RBFOX1: variants seen among roughly 807,000 people sequenced by gnomAD.
The protein encoded by RBFOX1 is RNA binding protein fox-1 homolog 1.
Under a neutral mutation model 57.7 loss-of-function variants are expected in RBFOX1, and 8 were observed. That is an observed-to-expected ratio of 0.14 (90% confidence interval 0.08 to 0.25). The LOEUF (loss-of-function observed/expected upper bound fraction) is 0.25. RBFOX1 is among the 10% of genes least tolerant of loss of function. RBFOX1 has a pLI of 1.00. For synonymous variants in RBFOX1, 326 were observed against 222.4 expected, an observed-to-expected ratio of 1.47 and a Z score of -4.15; for missense variants, 611 against 548.5, an observed-to-expected ratio of 1.11 and a Z score of -1.14.
intron 4 of RBFOX1, among the ~76,000 whole-genome samples, chr16:7,137,794 A>T (rs942650780): frequency 6.6e-6 from 1 of 152,220 alleles, no homozygotes; most frequent in Non-Finnish European, 1.5e-5. Context: ...TAGAAACTCC[A>T]AAAGGGGAAG....
chr16:7,146,429 C>G (rs577538690), intron 4 of RBFOX1, among the ~76,000 whole-genome samples: 1 of 152,202 alleles, frequency 6.6e-6, no homozygotes, highest in East Asian at 1.9e-4. Context: ...TACCCAGCAG[C>G]TCTGTCACCC....
At chr16:6,894,818 G>A (rs146045349) in intron 3 of RBFOX1, among the ~76,000 whole-genome samples, 1 of 152,228 alleles carries the variant, frequency 6.6e-6, no homozygotes, top group East Asian at 1.9e-4. Flanking sequence ...TATCATTTTA[G>A]GTAGTAGTCC....
At chr16:5,634,389 C>G (rs996582717) in intron 3 of RBFOX1, among the ~76,000 whole-genome samples, 2 of 151,974 alleles carry the variant, frequency 1.3e-5, no homozygotes, top group African/African-American at 4.8e-5. Flanking sequence ...GTAATTGAGA[C>G]AAAAATAGGG....
chr16:7,140,157 C>CCTCCCTCTCT (rs2073300584), intron 4 of RBFOX1, among the ~76,000 whole-genome samples: 8 of 70,868 alleles, frequency 1.1e-4, no homozygotes, highest in African/African-American at 4.2e-4. Flanking sequence ...TCCTTCTCTC[C>CCTCCCTCTCT]CTCTCTCTCT....
At chr16:6,319,090 C>T (rs2081450122) in intron 2 of RBFOX1, among the ~76,000 whole-genome samples, 1 of 152,022 alleles carries the variant, frequency 6.6e-6, no homozygotes, top group Non-Finnish European at 1.5e-5. Flanking sequence ...TCACCCATAA[C>T]ATGTTGGATG....
intron 2 of RBFOX1, among the ~76,000 whole-genome samples, chr16:6,520,597 A>G (rs574481412): frequency 7.2e-5 from 11 of 152,338 alleles, no homozygotes; most frequent in Admixed American, 2.6e-4. Context: ...TTCATTAGAA[A>G]GATATGTGGG....
At chr16:6,198,791 A>G (rs903743535) in intron 1 of RBFOX1, among the ~76,000 whole-genome samples, 2 of 152,140 alleles carry the variant, frequency 1.3e-5, no homozygotes, top group Admixed American at 1.3e-4. Context: ...TGGCTTAAGT[A>G]TAATACTAAT....
intron 3 of RBFOX1, among the ~76,000 whole-genome samples, chr16:6,953,850 A>G (rs1385822589): frequency 1.3e-5 from 2 of 152,160 alleles, no homozygotes; most frequent in Non-Finnish European, 1.5e-5. Flanking sequence ...CCTGACTTGA[A>G]TCTCTCTTTG....
intron 2 of RBFOX1, among the ~76,000 whole-genome samples, chr16:6,490,159 T>G (rs563073746): frequency 6.6e-6 from 1 of 152,162 alleles, no homozygotes; most frequent in Non-Finnish European, 1.5e-5. Context: ...GGGTTTTTAG[T>G]GAATAGCAAA....
At chr16:7,446,690 A>T (rs1008122597) in intron 4 of RBFOX1, among the ~76,000 whole-genome samples, 1 of 151,540 alleles carries the variant, frequency 6.6e-6, no homozygotes, top group Non-Finnish European at 1.5e-5. Context: ...GGGCAACCCC[A>T]TAGAGCAAAC....
chr16:6,701,017 G>C (rs958793741), intron 3 of RBFOX1, among the ~76,000 whole-genome samples: 1 of 148,220 alleles, frequency 6.7e-6, no homozygotes, highest in African/African-American at 2.6e-5. Context: ...GAAAGGAGTA[G>C]AGAGCAGAGT....
At chr16:7,620,644 T>C (rs914701419) in intron 10 of RBFOX1, among the ~76,000 whole-genome samples, 3 of 152,158 alleles carry the variant, frequency 2.0e-5, no homozygotes, top group African/African-American at 4.8e-5. Context: ...GATGGCAGCT[T>C]CGGAATTCTT....
At chr16:7,044,019 C>G (rs1240479154) in intron 3 of RBFOX1, among the ~76,000 whole-genome samples, 3 of 152,232 alleles carry the variant, frequency 2.0e-5, no homozygotes, top group African/African-American at 4.8e-5. Flanking sequence ...CTTACACTTT[C>G]ACTGTACAAA....
intron 3 of RBFOX1, among the ~76,000 whole-genome samples, chr16:6,887,162 T>G (rs1014265351): frequency 5.3e-5 from 8 of 152,194 alleles, no homozygotes; most frequent in African/African-American, 1.7e-4. Context: ...GTTCTTCTTG[T>G]TATTGTTGGT....
chr16:6,874,774 G>A (rs1189870045), intron 3 of RBFOX1, among the ~76,000 whole-genome samples: 5 of 152,132 alleles, frequency 3.3e-5, no homozygotes, highest in Non-Finnish European at 7.3e-5. Flanking sequence ...TGGGACTTGA[G>A]GGGAAGGGTG....
At chr16:7,001,984 C>G (rs984289952) in intron 3 of RBFOX1, among the ~76,000 whole-genome samples, 4 of 152,042 alleles carry the variant, frequency 2.6e-5, no homozygotes, top group Non-Finnish European at 4.4e-5. Flanking sequence ...CGTGAGTGAA[C>G]TCCTGGTGTT....
chr16:7,024,234 A>G (rs918476500), intron 3 of RBFOX1, among the ~76,000 whole-genome samples: 2 of 152,168 alleles, frequency 1.3e-5, no homozygotes. Context: ...TGGCACTCAT[A>G]TCGTGCTCTG....
At chr16:7,066,727 G>A (rs1024876522) in intron 4 of RBFOX1, among the ~76,000 whole-genome samples, 1 of 152,152 alleles carries the variant, frequency 6.6e-6, no homozygotes, top group Non-Finnish European at 1.5e-5. Flanking sequence ...GAGTGGATTG[G>A]TGGTTGAAAT....
chr16:6,598,170 C>T (rs939687035), intron 2 of RBFOX1, among the ~76,000 whole-genome samples: 3 of 152,212 alleles, frequency 2.0e-5, no homozygotes, highest in African/African-American at 7.2e-5. Context: ...TTCCTATATG[C>T]AGAACATGCA....
Sources: allele counts gnomAD v4.1 joint callset (sites outside exome capture counted in the v4.1 genomes callset), GRCh38; gene constraint gnomAD v4.1.1; transcripts MANE v1.5; gene names NCBI Gene and HGNC (gene_info 2026-07-23, HGNC 2026-07-21).